Variants in CNTN5 observed in about 807,000 individuals in gnomAD.
CNTN5 encodes contactin-5.
A neutral mutation model predicts 129.1 loss-of-function variants in CNTN5; 77 were observed. The observed-to-expected ratio is 0.60, with a 90% CI of 0.50 to 0.72. The LOEUF (loss-of-function observed/expected upper bound fraction) is 0.72. CNTN5 is among the 30% of genes least tolerant of loss of function. The pLI is 0.00. For synonymous variants in CNTN5, 509 were observed against 465.6 expected (o/e 1.09, Z -1.20); for missense variants, 1,478 against 1,328.8 (o/e 1.11, Z -1.75).
intron 1 of CNTN5, among the ~76,000 whole-genome samples, chr11:99,185,914 G>T (rs978238594): frequency 1.0e-4 from 14 of 134,350 alleles, no homozygotes; most frequent in African/African-American, 3.9e-4. Context: ...AAAGAGAAAT[G>T]TTATCACAAT....
intron 1 of CNTN5, among the ~76,000 whole-genome samples, chr11:99,191,723 C>A (rs766121844): frequency 2.6e-5 from 4 of 151,218 alleles, no homozygotes; most frequent in Non-Finnish European, 4.4e-5. Flanking sequence ...ACCAATGAGT[C>A]GATAAAGAAT....
At chr11:99,106,328 A>T (rs948045236) in intron 1 of CNTN5, among the ~76,000 whole-genome samples, 1 of 152,234 alleles carries the variant, frequency 6.6e-6, no homozygotes, top group East Asian at 1.9e-4. Flanking sequence ...ATATACTCAA[A>T]CATATGCTTA....
At chr11:99,457,632 T>G (rs561782069) in intron 2 of CNTN5, among the ~76,000 whole-genome samples, 7 of 151,812 alleles carry the variant, frequency 4.6e-5, no homozygotes, top group Non-Finnish European at 7.4e-5. Context: ...CATGTTTCCT[T>G]GAGTATGTTT....
At chr11:100,346,498 C>T (rs1055144311) in intron 23 of CNTN5, among the ~76,000 whole-genome samples, 1 of 152,156 alleles carries the variant, frequency 6.6e-6, no homozygotes, top group Non-Finnish European at 1.5e-5. Context: ...TATGCTTTCA[C>T]TTCAGCAAAT....
chr11:99,731,860 A>G (rs1293640454), intron 3 of CNTN5, among the ~76,000 whole-genome samples: 1 of 152,216 alleles, frequency 6.6e-6, no homozygotes, highest in East Asian at 1.9e-4. Flanking sequence ...GTTGTTAAGT[A>G]TAGCACAAGG....
intron 3 of CNTN5, among the ~76,000 whole-genome samples, chr11:99,734,878 G>C (rs1162103548): frequency 6.6e-6 from 1 of 152,200 alleles, no homozygotes; most frequent in African/African-American, 2.4e-5. Context: ...TGCAGTGGCA[G>C]GCGCCTGTAG....
At chr11:100,082,773 T>TATC (rs1265687929) in intron 13 of CNTN5, among the ~76,000 whole-genome samples, 3 of 152,200 alleles carry the variant, frequency 2.0e-5, no homozygotes, top group African/African-American at 7.2e-5. Context: ...GTTCACAGGT[T>TATC]ATCTCTGAGA....
intron 21 of CNTN5, among the ~76,000 whole-genome samples, chr11:100,323,537 G>C (rs1951734261): frequency 6.6e-6 from 1 of 151,896 alleles, no homozygotes; most frequent in Non-Finnish European, 1.5e-5. Context: ...TTGGGTCGGG[G>C]TTTGTATAAT....
chr11:99,889,137 A>G (rs1948979059), intron 6 of CNTN5, among the ~76,000 whole-genome samples: 1 of 152,202 alleles, frequency 6.6e-6, no homozygotes, highest in Non-Finnish European at 1.5e-5. Context: ...TATTTAACAA[A>G]TTGAGAGAAT....
At chr11:99,472,670 C>CT (rs997780048) in intron 2 of CNTN5, among the ~76,000 whole-genome samples, 4 of 151,812 alleles carry the variant, frequency 2.6e-5, no homozygotes, top group Non-Finnish European at 2.9e-5. Context: ...TTCCTTCTTT[C>CT]TTTTTTTTCT....
chr11:100,204,481 G>A (rs571560419), intron 15 of CNTN5, among the ~76,000 whole-genome samples: 73 of 149,366 alleles, frequency 4.9e-4, no homozygotes, highest in African/African-American at 1.7e-3. Context: ...CACATGAAAA[G>A]AAAGAGAGAA....
intron 9 of CNTN5, among the ~76,000 whole-genome samples, chr11:100,018,698 T>C (rs942820010): frequency 1.3e-5 from 2 of 151,982 alleles, no homozygotes; most frequent in African/African-American, 4.8e-5. Context: ...ATGAGTGGAA[T>C]GGCTAAACGA....
chr11:99,818,073 A>G (rs532812388), intron 3 of CNTN5, among the ~76,000 whole-genome samples: 2 of 152,154 alleles, frequency 1.3e-5, no homozygotes, highest in Non-Finnish European at 2.9e-5. Flanking sequence ...CTTAACACCT[A>G]AAGTGTTATT....
At chr11:99,819,475 A>G (rs1946714723) in intron 3 of CNTN5, 69 bp from the exon 4 acceptor site, 1 of 1,375,766 alleles carries the variant, frequency 7.3e-7, no homozygotes, top group Admixed American at 1.9e-5. Flanking sequence ...TCAAAGAAAC[A>G]ATCTTCATAA....
intron 3 of CNTN5, among the ~76,000 whole-genome samples, chr11:99,768,343 C>G (rs1181739328): frequency 4.1e-4 from 62 of 151,972 alleles, no homozygotes; most frequent in Admixed American, 4.1e-3. Context: ...CAGCATGTAT[C>G]TCCTAAGAAG....
intron 2 of CNTN5, among the ~76,000 whole-genome samples, chr11:99,499,233 A>G (rs535825661): frequency 7.4e-4 from 112 of 152,244 alleles, no homozygotes; most frequent in African/African-American, 2.4e-3. Context: ...ATGAATTTTT[A>G]ACAAAAATGT....
chr11:99,072,063 A>C (rs1044773295), intron 1 of CNTN5, among the ~76,000 whole-genome samples: 2 of 152,146 alleles, frequency 1.3e-5, no homozygotes, highest in African/African-American at 2.4e-5. Flanking sequence ...ATTTCCATTT[A>C]TATGAAGTTG....
intron 3 of CNTN5, among the ~76,000 whole-genome samples, chr11:99,712,849 G>A (rs1289675542): frequency 6.6e-6 from 1 of 151,702 alleles, no homozygotes; most frequent in Non-Finnish European, 1.5e-5. Context: ...TATCTGTTGT[G>A]GTACTAGTAC....
At chr11:99,282,499 A>AGT (rs562564880) in intron 1 of CNTN5, among the ~76,000 whole-genome samples, 5 of 152,152 alleles carry the variant, frequency 3.3e-5, no homozygotes, top group African/African-American at 1.2e-4. Context: ...AGTAGAGGTG[A>AGT]GAGAGCGTGC....
Sources: gnomAD v4.1 joint callset for allele counts (sites outside exome capture counted in the v4.1 genomes callset) on GRCh38, gnomAD v4.1.1 for gene constraint, MANE v1.5 for transcripts, NCBI Gene and HGNC (gene_info 2026-07-23, HGNC 2026-07-21) for gene names.